The following FN1 variants were observed in gnomAD, a reference collection of about 807,000 sequenced individuals.
FN1 encodes the protein fibronectin 1, also known as fibronectin.
A neutral mutation model predicts 297.3 loss-of-function variants in FN1; 106 were observed. The ratio of observed to expected loss-of-function variants is 0.36; its 90% CI spans 0.30 to 0.42. The LOEUF (loss-of-function observed/expected upper bound fraction) is 0.42. Ranked by LOEUF, FN1 falls within the 10% of genes least tolerant of loss-of-function variation. The probability of loss-of-function intolerance (pLI) is 1.00; values close to 1 mark genes in which losing one functional copy is unlikely to be tolerated. For missense variants in FN1, 2,690 were observed against 3,124.9 expected (o/e 0.86, Z 3.32); for synonymous variants, 1,149 against 1,152.6 (o/e 1.00, Z 0.06).
intron 39 of FN1, 70 bp from the exon 40 acceptor site, chr2:215,372,445 A>G: frequency 8.7e-7 from 1 of 1,144,072 alleles, no homozygotes; most frequent in Non-Finnish European, 1.3e-6. Context: ...CAATGATAAT[A>G]ATCGATTCAG....
Position 215,433,581 on chromosome 2 carries a change from G to T in FN1, c.278-120C>A, listed in dbSNP as rs1263199842. The T allele has an allele frequency of 2.0e-5, 20 of 983,586 alleles. No homozygotes were observed. The South Asian group carries it at 2.7e-4, about 13-fold the overall frequency. The allele number at this position is 983,586 out of a possible 1,614,324, so 60.9% of individuals were successfully genotyped here. ...CACAAGTAACATGGTACACCTCAAA[G>T]AATAAAATGAAGTGAGAGATACAGA... On this transcript the variant is annotated intron_variant, in intron 2 of 45. Transcript: ENST00000354785.
intron 23 of FN1, among the ~76,000 whole-genome samples, chr2:215,396,532 A>G (rs146730851): frequency 6.6e-6 from 1 of 151,694 alleles, no homozygotes; most frequent in Non-Finnish European, 1.5e-5. Flanking sequence ...GAATATAATT[A>G]AAAAAAAATT....
intron 44 of FN1, chr2:215,363,756 T>C (rs554882123): frequency 2.2e-5 from 3 of 139,144 alleles, no homozygotes; most frequent in Admixed American, 7.3e-5. Flanking sequence ...TCACATTCCA[T>C]TGCTTTTGAG....
At chr2:215,382,177 A>T in intron 32 of FN1, 35 bp downstream of exon 32, 1 of 1,432,636 alleles carries the variant, frequency 7.0e-7, no homozygotes, top group Non-Finnish European at 9.9e-7. Context: ...ACAAAATTTG[A>T]CTTTGAAAAT....
chr2:215,369,848 A>G (rs1048398601), intron 41 of FN1, among the ~76,000 whole-genome samples: 2 of 152,250 alleles, frequency 1.3e-5, no homozygotes, highest in Admixed American at 6.5e-5. Flanking sequence ...GCAAAAGCCA[A>G]CTGTCCCCAT....
Position 215,382,023 on chromosome 2 carries a change from T to C in FN1, c.5164+189A>G, listed in dbSNP as rs1463745805. 5 of 578,170 alleles carry C rather than the reference T, an allele frequency of 8.6e-6. No individual in the cohort carries two copies. In the South Asian group the frequency reaches 9.5e-5, roughly 11 times the overall value. The allele number at this position is 578,170 out of a possible 1,614,324, so 35.8% of individuals were successfully genotyped here. On this transcript the variant is annotated intron_variant, in intron 32 of 45. Transcript: ENST00000354785. ...CTAACTATGGTGGTTTCACAACTTC[T>C]TTCTCTGTAAATTCCTCGCTTGGCA... is the stretch of plus-strand genomic sequence containing the variant.
chr2:215,425,398 TA>T, intron 6 of FN1, 113 bp from the exon 7 acceptor site: 1 of 1,093,488 alleles, frequency 9.1e-7, no homozygotes, highest in Non-Finnish European at 1.4e-6. Context: ...TCTATGTCGC[TA>T]CTGGCCTGGG....
At position 215,375,642 on chromosome 2, in the gene FN1, G is replaced by T. The variant is rs143393843; in HGVS notation, c.5964C>A (p.Ile1988=). Residue 1988 remains isoleucine, a synonymous_variant, in exon 37 of 46, where the codon ATC becomes ATA. Coordinates refer to ENST00000354785, the MANE Select transcript of FN1 (RefSeq NM_212482.4). Reference sequence around the variant, plus strand: ...AGGTATAGTTACCAGTGGAGGCGTCGATGACCACAGGGGAGCTCCGAGCAT... The same window carrying T: ...AGGTATAGTTACCAGTGGAGGCGTCTATGACCACAGGGGAGCTCCGAGCAT... The part of the protein sequence containing the change: ...NDNARSSPVV[I]DASTAIDAPS... 5.0e-6 allele frequency: 8 copies of T among 1,610,148 alleles called. No homozygotes were observed. Among genetic ancestry groups the T allele is most frequent in the African/African-American group, 1.3e-5 (1 of 74,810 alleles).
Position 215,393,077 on chromosome 2 carries a change from C to A in FN1, c.3923G>T (p.Gly1308Val). Residue 1308 changes from glycine (G) to valine (V), a missense_variant, in exon 25 of 46, where the codon GGT (glycine) becomes GTT (valine). Gly to Val is a moderately radical substitution (Grantham distance 109). Transcript: ENST00000354785. ...YRITVVAAGE[G>V]IPIFEDFVDS... is the part of the protein sequence containing the mutation. ...CACAAAATCTTCAAAAATAGGGATACCTTCTCCTGCCGCAACTACTGTGAT... is the reference window on the plus strand; with the variant it reads ...CACAAAATCTTCAAAAATAGGGATAACTTCTCCTGCCGCAACTACTGTGAT... 3.1e-6 allele frequency: 5 copies of A among 1,614,022 alleles called. No individual in the cohort carries two copies. Among genetic ancestry groups the A allele is most frequent in the Non-Finnish European group, 4.2e-6 (5 of 1,180,022 alleles).
intron 28 of FN1, 89 bp downstream of exon 28, chr2:215,386,598 AGC>A: frequency 5.8e-6 from 2 of 346,960 alleles, no homozygotes; most frequent in East Asian, 6.1e-5. Flanking sequence ...TTTTTTTGAG[AGC>A]TGATGACAGA....
intron 44 of FN1, chr2:215,362,784 T>G (rs1027229180): frequency 1.3e-5 from 2 of 152,694 alleles, no homozygotes; most frequent in Admixed American, 1.3e-4. Flanking sequence ...CTACTGTTCT[T>G]AAGCTGGCAG....
intron 13 of FN1, among the ~76,000 whole-genome samples, chr2:215,414,341 T>C (rs1479169557): frequency 6.6e-6 from 1 of 152,196 alleles, no homozygotes; most frequent in East Asian, 1.9e-4. Context: ...TCATCTCTTT[T>C]CCTTCTATCT....
intron 12 of FN1, among the ~76,000 whole-genome samples, chr2:215,415,556 CAA>C (rs1054488589): frequency 2.0e-5 from 3 of 152,122 alleles, no homozygotes; most frequent in Non-Finnish European, 4.4e-5. Context: ...GAAAAAACAT[CAA>C]GTTTTATTTT....
At position 215,399,359 on chromosome 2, in the gene FN1, A is replaced by G. The variant is rs1426448136; in HGVS notation, c.3254-8T>C. On this transcript the variant is annotated splice_polypyrimidine_tract_variant and splice_region_variant and intron_variant, in intron 20 of 45. Transcript: ENST00000354785. The stretch of plus-strand genomic sequence containing the variant: ...TAGAGCTCCCAGGCTGCACTGTGAG[A>G]GAGAATCAATGCACATATTCAAAAC... 3 of 1,591,782 alleles carry G rather than the reference A, an allele frequency of 1.9e-6. No individual in the cohort carries two copies. The highest frequency in any genetic ancestry group is 3.3e-4 in the Middle Eastern group (2 of 6,008).
chr2:215,414,460 G>A (rs924974552), intron 13 of FN1, among the ~76,000 whole-genome samples: 4 of 151,418 alleles, frequency 2.6e-5, no homozygotes, highest in Non-Finnish European at 4.4e-5. Flanking sequence ...TGAAAATGAT[G>A]CCAGTAATTT....
rs771607192 is a variant in FN1 at position 215,376,593 on chromosome 2, G to A, written c.5792C>T (p.Thr1931Met). ...GGCATCAACTTGGAAGCCAGTGATC[G>A]TCTCAGTCTTGGTTCTCCAGCTAAT... ...ITISWRTKTE[T>M]ITGFQVDAVP... The change falls in exon 36 of 46, where the codon ACG becomes ATG. Residue 1931 changes from threonine (T) to methionine (M), a missense_variant. Physicochemically the swap from Thr to Met is moderately conservative, Grantham distance 81 (BLOSUM62 -1). Around this residue, in one of 3 missense-constraint regions of FN1, gnomAD observed 1,743 missense variants for 1,945.2 expected, o/e 0.90. Transcript: ENST00000354785. The A allele has an allele frequency of 8.7e-6, 14 of 1,613,790 alleles. No individual in the cohort carries two copies. Among genetic ancestry groups the A allele is most frequent in the East Asian group, 4.5e-5 (2 of 44,880 alleles).
At chr2:215,431,179 C>T (rs560249054) in intron 4 of FN1, among the ~76,000 whole-genome samples, 1 of 152,090 alleles carries the variant, frequency 6.6e-6, no homozygotes, top group East Asian at 1.9e-4. Flanking sequence ...ACTACATATG[C>T]AAAATTCCAA....
chr2:215,362,123 C>G (rs184857180), intron 44 of FN1, 44 bp from the exon 45 acceptor site: 1 of 1,411,988 alleles, frequency 7.1e-7, no homozygotes, highest in Non-Finnish European at 1.0e-6. Context: ...TTATGATAAC[C>G]TGAGGACATC....
At chr2:215,392,824 T>C (rs1010673052) in intron 25 of FN1, 107 bp downstream of exon 25, 3 of 1,264,010 alleles carry the variant, frequency 2.4e-6, no homozygotes, top group Admixed American at 3.4e-5. Flanking sequence ...TCTGAATCTT[T>C]GGCCAATTGC....
Sources: gnomAD v4.1 joint callset for allele counts (sites outside exome capture counted in the v4.1 genomes callset) on GRCh38, gnomAD v4.1.1 for gene constraint, gnomAD v4.1.1 regional missense constraint, MANE v1.5 for transcripts, NCBI Gene and HGNC (gene_info 2026-07-23, HGNC 2026-07-21) for gene names.